The following NIBAN2 variants were observed in gnomAD, a reference collection of about 807,000 sequenced individuals.
The protein encoded by NIBAN2 is niban apoptosis regulator 2, also known as protein Niban 2.
NIBAN2 carries 36 observed loss-of-function variants against 81.8 expected under a neutral mutation model. That is an observed-to-expected ratio of 0.44 (90% CI 0.34 to 0.58). NIBAN2 has a LOEUF of 0.58. NIBAN2 is among the 20% of genes least tolerant of loss of function. The pLI is 0.02. For synonymous variants in NIBAN2, 445 were observed against 441.6 expected (o/e 1.01, Z -0.10); for missense variants, 897 against 1,014.1 (o/e 0.88, Z 1.57).
chr9:127,524,410 G>C (rs1417099652), intron 4 of NIBAN2, among the ~76,000 whole-genome samples: 1 of 152,222 alleles, frequency 6.6e-6, no homozygotes, highest in African/African-American at 2.4e-5. Context: ...TTTCTGCCCT[G>C]GCTCTGGGTT....
At chr9:127,576,147 C>G (rs552917421) in intron 1 of NIBAN2, among the ~76,000 whole-genome samples, 1 of 152,286 alleles carries the variant, frequency 6.6e-6, no homozygotes, top group African/African-American at 2.4e-5. Context: ...GTATGATGTG[C>G]AGAACACTAT....
intron 5 of NIBAN2, among the ~76,000 whole-genome samples, chr9:127,519,393 C>T (rs373683102): frequency 1.1e-4 from 16 of 152,120 alleles, no homozygotes; most frequent in South Asian, 2.1e-4. Context: ...GGTGGTCAAA[C>T]GCCACCGAGC....
At position 127,536,473 on chromosome 9, in the gene NIBAN2, T is replaced by TC. The variant is rs770040482; in HGVS notation, c.56-4696dup. ...TCCTTCTTGCTCCCTGCAGTGGCTCTCCCCCGGCATTGTTGCTTCAGGATT... is the reference window on the plus strand; with the variant it reads ...TCCTTCTTGCTCCCTGCAGTGGCTCTCCCCCCGGCATTGTTGCTTCAGGATT... On this transcript the variant is annotated intron_variant, in intron 1 of 13. Coordinates refer to ENST00000373312, the MANE Select transcript of NIBAN2 (RefSeq NM_022833.4). This position sits in a 1 kb window ranked among gnomAD's most constrained non-coding sequence, Gnocchi z 4.0. Among the ~76,000 whole-genome samples, 1 of 152,192 alleles carries TC rather than the reference T, an allele frequency of 6.6e-6. No homozygotes were observed. The highest frequency in any genetic ancestry group is 1.5e-5 in the Non-Finnish European group (1 of 68,022).
At position 127,568,845 on chromosome 9, in the gene NIBAN2, G is replaced by A; in HGVS notation, c.30C>T (p.Asp10=). MGDVLSTHL[D]DARRQHIAEK... is the part of the protein sequence containing the mutation. Reference sequence around the variant, plus strand: ...CTGCGATGTGCTGGCGCCGGGCGTCGTCCAGGTGCGTGGACAGCACGTCCC... The same window carrying A: ...CTGCGATGTGCTGGCGCCGGGCGTCATCCAGGTGCGTGGACAGCACGTCCC... Residue 10 remains aspartate (D), a synonymous_variant, in exon 1 of 14, where the codon GAC becomes GAT. Coordinates refer to ENST00000373312, the MANE Select transcript of NIBAN2 (RefSeq NM_022833.4). 1 of 1,371,048 alleles carries A rather than the reference G, an allele frequency of 7.3e-7. No individual in the cohort carries two copies. The highest frequency in any genetic ancestry group is 3.3e-5 in the East Asian group (1 of 30,108). The allele number at this position is 1,371,048 out of a possible 1,614,324, so 84.9% of individuals were successfully genotyped here.
chr9:127,529,174 C>G (rs1837132844), intron 2 of NIBAN2, among the ~76,000 whole-genome samples: 1 of 152,228 alleles, frequency 6.6e-6, no homozygotes, highest in South Asian at 2.1e-4. Flanking sequence ...ACAGCACAGG[C>G]CCCAAGGTCA....
At chr9:127,535,578 G>T (rs746549452) in intron 1 of NIBAN2, among the ~76,000 whole-genome samples, 1 of 152,156 alleles carries the variant, frequency 6.6e-6, no homozygotes, top group South Asian at 2.1e-4. Flanking sequence ...CTGGACCAGC[G>T]CAGTGCTGCC....
chr9:127,568,325 G>A (rs1837893613), intron 1 of NIBAN2, among the ~76,000 whole-genome samples: 1 of 152,198 alleles, frequency 6.6e-6, no homozygotes, highest in Admixed American at 6.5e-5. Flanking sequence ...GGCCTTCATG[G>A]GCGCGTCCTT....
chr9:127,509,810 TCCTTCCCTCCTCTCCTTC>T (rs1564294202), intron 9 of NIBAN2: 1 of 31,146 alleles, frequency 3.2e-5, no homozygotes, highest in African/African-American at 1.0e-4. Context: ...TCTCCTTCCC[TCCTTCCCTCCTCTCCTTC>T]CCTCCTTCCC....
Position 127,506,834 on chromosome 9 carries a change from G to T in NIBAN2, c.*11C>A. On this transcript the variant is annotated 3_prime_UTR_variant, in exon 14 of 14. Transcript: ENST00000373312. The stretch of plus-strand genomic sequence containing the variant: ...GCCTGTGCCATGTGCAGCAGTCAGG[G>T]ACCCACTGGCCTAGAACTCAGTCTG... 2 of 1,591,788 alleles carry T rather than the reference G, an allele frequency of 1.3e-6. No individual in the cohort carries two copies. Among genetic ancestry groups the T allele is most frequent in the South Asian group, 2.3e-5 (2 of 88,372 alleles).
intron 2 of NIBAN2, 33 bp from the exon 3 acceptor site, chr9:127,527,355 A>C: frequency 1.3e-6 from 2 of 1,592,852 alleles, no homozygotes; most frequent in Non-Finnish European, 1.7e-6. Context: ...AGTGAGGCCC[A>C]GGTCTGGGGG....
chr9:127,573,921 GT>G (rs1837977837), upstream of NIBAN2, among the ~76,000 whole-genome samples: 1 of 152,140 alleles, frequency 6.6e-6, no homozygotes, highest in East Asian at 1.9e-4. Context: ...GCCTCTCAAA[GT>G]GCTGGGATTA....
rs1837273773 is a variant in NIBAN2, at chr9:127,536,124, G to C, written c.56-4346C>G. ...CAGGGGTAGCCCCGAGCACATTCTTGAGAGATGTCCTCAGCCAGCATGGAA... is the reference window on the plus strand; with the variant it reads ...CAGGGGTAGCCCCGAGCACATTCTTCAGAGATGTCCTCAGCCAGCATGGAA... On this transcript the variant is annotated intron_variant, in intron 1 of 13. Transcript: ENST00000373312. The surrounding 1 kb of genome is among the most constrained non-coding windows in gnomAD (Gnocchi z 4.0). 6.6e-6 allele frequency among the ~76,000 whole-genome samples: 1 copy of C among 152,176 alleles called. No homozygotes were observed. The highest frequency in any genetic ancestry group is 2.4e-5 in the African/African-American group (1 of 41,446).
At chr9:127,569,075 G>A (rs1444114094), upstream of NIBAN2, 7 of 1,056,670 alleles carry the variant, frequency 6.6e-6, no homozygotes, top group Non-Finnish European at 8.0e-6. Context: ...GGCCGCCTTG[G>A]CCCCCTCCCT....
At position 127,523,861 on chromosome 9, in the gene NIBAN2, C is replaced by A. The variant is rs1054331325; in HGVS notation, c.422-15G>T. 6.2e-7 allele frequency: 1 copy of A among 1,601,258 alleles called. No individual in the cohort carries two copies. The highest frequency in any genetic ancestry group is 1.3e-5 in the African/African-American group (1 of 74,716). On this transcript the variant is annotated splice_polypyrimidine_tract_variant and intron_variant, in intron 4 of 13. Coordinates refer to ENST00000373312, the MANE Select transcript of NIBAN2 (RefSeq NM_022833.4). ...TGCCGTGGTCCCTGTGGAGACAGTG[C>A]CTGATGAGCAGCTGCCCTCTGTGGT...
At chr9:127,569,653 G>A (rs942645014), upstream of NIBAN2, among the ~76,000 whole-genome samples, 4 of 150,224 alleles carry the variant, frequency 2.7e-5, no homozygotes, top group African/African-American at 9.7e-5. Context: ...GCCACTGCCC[G>A]CGCTCAGGAA....
intron 8 of NIBAN2, among the ~76,000 whole-genome samples, chr9:127,516,341 T>G (rs1271338819): frequency 6.6e-6 from 1 of 151,888 alleles, no homozygotes; most frequent in Non-Finnish European, 1.5e-5. Flanking sequence ...GGTCAGGAGT[T>G]CAAGATCAGC....
chr9:127,510,322 G>A lies in NIBAN2; in HGVS notation c.985C>T (p.Pro329Ser), dbSNP rs772398032. The A allele has an allele frequency of 5.6e-6, 9 of 1,606,144 alleles. No individual in the cohort carries two copies. The highest frequency in any genetic ancestry group is 1.7e-5 in the Admixed American group (1 of 59,658). The change falls in exon 9 of 14, where the codon CCC (proline) becomes TCC (serine). Residue 329 changes from proline (P) to serine (S), a missense_variant. This residue lies in a region of NIBAN2 where 619 missense variants were observed against 691.0 expected (regional missense o/e 0.90). Transcript: ENST00000373312. ...TTCCGCACGCACACCTCTGCCTTGG[G>A]GAGGATGAAGGCTGTGCCCCGAGGG... The part of the protein sequence containing the change: ...LASKIRAFIL[P>S]KAEVCVRNHV...
chr9:127,508,631 C>A lies in NIBAN2; in HGVS notation c.1318-93G>T, dbSNP rs374204681. ...GGGGTCCTCATCCTCAACCAGCCCC[C>A]CACCCCGAGGCCTGCCAGGGAGGAA... On this transcript the variant is annotated intron_variant, in intron 10 of 13. Transcript: ENST00000373312. This position sits in a 1 kb window ranked among gnomAD's most constrained non-coding sequence, Gnocchi z 6.4. The A allele has an allele frequency of 3.7e-6, 4 of 1,078,626 alleles. No individual in the cohort carries two copies. The highest frequency in any genetic ancestry group is 5.7e-6 in the Non-Finnish European group (4 of 706,892). The allele number at this position is 1,078,626 out of a possible 1,614,324, so 66.8% of individuals were successfully genotyped here.
chr9:127,545,397 C>T lies in NIBAN2; in HGVS notation c.56-13619G>A, dbSNP rs544276410. Among the ~76,000 whole-genome samples, 8 of 152,204 alleles carry T rather than the reference C, an allele frequency of 5.3e-5. No homozygotes were observed. The highest frequency in any genetic ancestry group is 1.3e-4 in the Admixed American group (2 of 15,290). ...ACTGCTCTCCGCTGTCTCCCCAGCA[C>T]CCAGCTCCCGCCAGGCCCAGGGGGG... On this transcript the variant is annotated intron_variant, in intron 1 of 13. Transcript: ENST00000373312. This position sits in a 1 kb window ranked among gnomAD's most constrained non-coding sequence, Gnocchi z 4.7.
Sources: allele counts gnomAD v4.1 joint callset (sites outside exome capture counted in the v4.1 genomes callset), GRCh38; gene constraint gnomAD v4.1.1; regional missense constraint gnomAD v4.1.1; non-coding constraint Gnocchi (gnomAD v3.1); transcripts MANE v1.5; gene names NCBI Gene and HGNC (gene_info 2026-07-23, HGNC 2026-07-21).